The following ANKRD11 variants were observed in gnomAD, a reference collection of about 807,000 sequenced individuals.
ANKRD11 encodes ankyrin repeat domain 11, also known as ankyrin repeat domain-containing protein 11.
A neutral mutation model predicts 195.7 loss-of-function variants in ANKRD11; 17 were observed. That is an observed-to-expected ratio of 0.09 (90% CI 0.06 to 0.13). The LOEUF (loss-of-function observed/expected upper bound fraction) is 0.13. ANKRD11 is among the 10% of genes least tolerant of loss of function. The probability of loss-of-function intolerance (pLI) is 1.00; values close to 1 mark genes in which losing one functional copy is unlikely to be tolerated. For missense variants in ANKRD11, 3,735 were observed against 3,566.1 expected (o/e 1.05, Z -1.21); for synonymous variants, 1,953 against 1,528.1 (o/e 1.28, Z -6.49).
chr16:89,483,101 G>T (rs1032434455), intron 1 of ANKRD11, among the ~76,000 whole-genome samples: 7 of 152,174 alleles, frequency 4.6e-5, no homozygotes, highest in Non-Finnish European at 8.8e-5. Context: ...CAACGCCCAA[G>T]AGCTGTTCTC....
At position 89,281,001 on chromosome 16, in the gene ANKRD11, C is replaced by T. The variant is rs748945820; in HGVS notation, c.5541G>A (p.Ser1847=). Residue 1847 remains serine (S), a synonymous_variant, in exon 9 of 13, where the codon TCG becomes TCA. Transcript: ENST00000301030. The surrounding 1 kb of genome is among the most constrained non-coding windows in gnomAD (Gnocchi z 5.5). The part of the protein sequence containing the change: ...PVPAEKFACL[S]PGYYSPDYGL... The stretch of plus-strand genomic sequence containing the variant: ...CATAGTCTGGGGAGTAGTACCCTGG[C>T]GACAAGCAGGCAAACTTCTCCGCGG... The T allele has an allele frequency of 8.2e-6, 13 of 1,580,574 alleles. No homozygotes were observed. The East Asian group carries it at 2.0e-4, about 25-fold the overall frequency.
intron 1 of ANKRD11, among the ~76,000 whole-genome samples, chr16:89,433,646 G>A (rs907448323): frequency 2.2e-4 from 34 of 151,602 alleles, no homozygotes; most frequent in Admixed American, 1.3e-3. Context: ...GGCTGGGCAC[G>A]CCACCTTCAC....
In ANKRD11 at chr16:89,324,772, G is replaced by A. The variant is rs116107682; in HGVS notation, c.-59-7694C>T. On this transcript the variant is annotated intron_variant, in intron 2 of 12. Transcript: ENST00000301030. Reference sequence around the variant, plus strand: ...GTTCTTGGGCCTTCGGCCACAGACTGAAAGCTGCGCTGTTGGCTTCCCGAC... The same window carrying A: ...GTTCTTGGGCCTTCGGCCACAGACTAAAAGCTGCGCTGTTGGCTTCCCGAC... The A allele has an allele frequency of 5.6e-3, 1,719 of 304,738 alleles. 26 individuals are homozygous for A. The highest frequency in any genetic ancestry group is 0.035 in the African/African-American group (1,559 of 44,760). 18.9% of individuals were successfully genotyped at this position (304,738 alleles called of 1,614,324 possible). A position where few individuals can be genotyped will look rare whatever the true frequency, so the allele number is the denominator to read the frequency against.
intron 7 of ANKRD11, chr16:89,286,770 G>A (rs1413758696): frequency 7.8e-7 from 1 of 1,287,174 alleles, no homozygotes. Flanking sequence ...AGACAACCAT[G>A]GTGACACAGC....
In ANKRD11 at chr16:89,284,959, C is replaced by G. The variant is rs2034542852; in HGVS notation, c.1583G>C (p.Ser528Thr). 1.2e-6 allele frequency: 2 copies of G among 1,614,016 alleles called. No individual in the cohort carries two copies. The highest frequency in any genetic ancestry group is 2.7e-5 in the African/African-American group (2 of 74,944). The change falls in exon 9 of 13, where the codon AGC (serine) becomes ACC (threonine). Residue 528 changes from serine (S) to threonine (T), a missense_variant. Transcript: ENST00000301030. ...LSASSTSSHG[S>T]SAAQKQNPSH... ...GGGGTTCTGCTTCTGGGCGGCAGAG[C>G]TCCCGTGAGACGAGGTGGAGGAGGC...
chr16:89,438,780 A>C (rs1414144672), intron 1 of ANKRD11, among the ~76,000 whole-genome samples: 1 of 152,142 alleles, frequency 6.6e-6, no homozygotes, highest in Non-Finnish European at 1.5e-5. Flanking sequence ...CCGAGGTGGG[A>C]GGACTGCTTG....
chr16:89,467,113 T>A (rs1280989368), intron 1 of ANKRD11, among the ~76,000 whole-genome samples: 2 of 152,118 alleles, frequency 1.3e-5, no homozygotes. Context: ...CATAATCTTT[T>A]ATTGACCAAA....
In ANKRD11 at chr16:89,268,682, GGA is replaced by G; in HGVS notation, c.7807-21_7807-20del. The G allele has an allele frequency of 6.4e-7, 1 of 1,571,080 alleles. No individual in the cohort carries two copies. The highest frequency in any genetic ancestry group is 8.6e-7 in the Non-Finnish European group (1 of 1,158,174). ...GGCAAGTCTGCGGGACACACAGCGG[GGA>G]GAGGAGGGAGGAGGAGTGAAGGGAG... On this transcript the variant is annotated intron_variant, in intron 12 of 12. Coordinates refer to ENST00000301030, the MANE Select transcript of ANKRD11 (RefSeq NM_013275.6).
rs200665093 is a variant in ANKRD11, at chr16:89,305,240, C to T, written c.192G>A (p.Ala64=). 106 of 1,613,750 alleles carry T rather than the reference C, an allele frequency of 6.6e-5. No individual in the cohort carries two copies. The highest frequency in any genetic ancestry group is 1.2e-4 in the Admixed American group (7 of 60,010). Residue 64 remains alanine (A), a synonymous_variant, in exon 4 of 13, where the codon GCG becomes GCA. Transcript: ENST00000301030. ...AGTCCTTCTGCTCCCCATTGGCGCC[C>T]GCGGTGAAGGGCAGCTTCCGCTTGC... ...RASKRKLPFT[A]GANGEQKDSD...
At chr16:89,376,321 C>T (rs1031921193) in intron 2 of ANKRD11, among the ~76,000 whole-genome samples, 1 of 152,176 alleles carries the variant, frequency 6.6e-6, no homozygotes, top group South Asian at 2.1e-4. Context: ...GAACGTTTGG[C>T]TTTAACAATG....
At position 89,402,882 on chromosome 16, in the gene ANKRD11, G is replaced by C. The variant is rs1048463165; in HGVS notation, c.-60+15402C>G. Among the ~76,000 whole-genome samples the C allele has an allele frequency of 4.6e-5, 7 of 151,922 alleles. No homozygotes were observed. In the East Asian group the frequency reaches 9.7e-4, roughly 21 times the overall value. On this transcript the variant is annotated intron_variant, in intron 2 of 12. Transcript: ENST00000301030. Reference sequence around the variant, plus strand: ...GCCTGCAGACCCTCCAGGCTCTCCCGGGGGAAGGAGCCCCATCAGGGCCAG... The same window carrying C: ...GCCTGCAGACCCTCCAGGCTCTCCCCGGGGAAGGAGCCCCATCAGGGCCAG...
At chr16:89,288,776 T>C in intron 6 of ANKRD11, 106 bp from the exon 7 acceptor site, 1 of 1,537,476 alleles carries the variant, frequency 6.5e-7, no homozygotes, top group Non-Finnish European at 8.9e-7. Context: ...ACAAGCCAGG[T>C]GGGGAGCTGC....
In ANKRD11 at chr16:89,284,117, T is replaced by C. The variant is rs1372989447; in HGVS notation, c.2425A>G (p.Arg809Gly). ...TATTCGTCAAAAGCAGAATCTTCCC[T>C]ATAAACCTTTTCTTTTTTGAGTTTT... ...KEKLKKEKVY[R>G]EDSAFDEYCN... The change falls in exon 9 of 13, where the codon AGG (arginine) becomes GGG (glycine). Residue 809 changes from arginine (R) to glycine (G), a missense_variant. Physicochemically the swap from Arg to Gly is moderately radical, Grantham distance 125. Coordinates refer to ENST00000301030, the MANE Select transcript of ANKRD11 (RefSeq NM_013275.6). 3 of 1,611,094 alleles carry C rather than the reference T, an allele frequency of 1.9e-6. No homozygotes were observed. The South Asian group carries it at 3.3e-5, about 18-fold the overall frequency.
intron 2 of ANKRD11, among the ~76,000 whole-genome samples, chr16:89,371,559 A>G (rs2040194301): frequency 6.6e-6 from 1 of 152,174 alleles, no homozygotes; most frequent in Non-Finnish European, 1.5e-5. Context: ...AGATTCCGCC[A>G]TGCTGCAGGA....
chr16:89,324,224 T>G, intron 2 of ANKRD11: 1 of 1,197,606 alleles, frequency 8.3e-7, no homozygotes, highest in South Asian at 1.5e-5. Flanking sequence ...TGGCCTCTGC[T>G]TTGCCCCTCA....
At chr16:89,340,680 A>G (rs1460062875) in intron 2 of ANKRD11, among the ~76,000 whole-genome samples, 1 of 152,244 alleles carries the variant, frequency 6.6e-6, no homozygotes, top group African/African-American at 2.4e-5. Context: ...AAGAGACAAT[A>G]TAATTAACAA....
At chr16:89,353,255 T>C (rs577691437) in intron 2 of ANKRD11, among the ~76,000 whole-genome samples, 1 of 151,268 alleles carries the variant, frequency 6.6e-6, no homozygotes, top group African/African-American at 2.4e-5. Flanking sequence ...GGCAGGAGAA[T>C]TGCTTCAACT....
intron 1 of ANKRD11, among the ~76,000 whole-genome samples, chr16:89,473,598 C>T (rs1206631476): frequency 1.3e-5 from 2 of 152,186 alleles, no homozygotes; most frequent in African/African-American, 2.4e-5. Flanking sequence ...GGAATGCATG[C>T]AAATGGAGGA....
intron 2 of ANKRD11, among the ~76,000 whole-genome samples, chr16:89,406,422 T>A (rs2041909901): frequency 6.6e-6 from 1 of 152,090 alleles, no homozygotes; most frequent in Admixed American, 6.5e-5. Context: ...TTGCGGTCAG[T>A]CCTAGAGGAG....
Sources: allele counts gnomAD v4.1 joint callset (sites outside exome capture counted in the v4.1 genomes callset), GRCh38; gene constraint gnomAD v4.1.1; non-coding constraint Gnocchi (gnomAD v3.1); transcripts MANE v1.5; gene names NCBI Gene and HGNC (gene_info 2026-07-23, HGNC 2026-07-21).